VEGFC: variants seen among roughly 807,000 people sequenced by gnomAD.
VEGFC encodes the protein vascular endothelial growth factor C.
In VEGFC, 12 loss-of-function variants were observed where a neutral mutation model predicts 46.1. That is an observed-to-expected ratio of 0.26 (90% CI 0.17 to 0.42). The LOEUF (loss-of-function observed/expected upper bound fraction) is 0.42, where lower values mean the gene tolerates loss of function less well. Among genes scored for constraint, VEGFC ranks in the 10% least tolerant of loss-of-function variants. The probability of loss-of-function intolerance (pLI) is 1.00; values close to 1 mark genes in which losing one functional copy is unlikely to be tolerated. For synonymous variants in VEGFC, 232 were observed against 195.5 expected (o/e 1.19, Z -1.56); for missense variants, 488 against 529.4 (o/e 0.92, Z 0.77).
intron 1 of VEGFC, among the ~76,000 whole-genome samples, chr4:176,741,168 G>A (rs146306039): frequency 6.6e-6 from 1 of 151,914 alleles, no homozygotes; most frequent in Non-Finnish European, 1.5e-5. Context: ...AGATCGGAAA[G>A]TTATACAACA....
At chr4:176,731,059 T>C (rs777581604) in intron 1 of VEGFC, among the ~76,000 whole-genome samples, 25 of 152,242 alleles carry the variant, frequency 1.6e-4, no homozygotes, top group Non-Finnish European at 3.4e-4. Flanking sequence ...TGTAGGTCTA[T>C]GTTAGAAAAA....
intron 1 of VEGFC, among the ~76,000 whole-genome samples, chr4:176,771,763 A>G (rs1334272406): frequency 1.3e-5 from 2 of 152,172 alleles, no homozygotes; most frequent in African/African-American, 4.8e-5. Context: ...CAGGTGTTTT[A>G]TGGGAAGAGT....
At chr4:176,788,713 T>C (rs1175041980) in intron 1 of VEGFC, among the ~76,000 whole-genome samples, 3 of 152,196 alleles carry the variant, frequency 2.0e-5, no homozygotes, top group African/African-American at 7.2e-5. Flanking sequence ...CCTTGAAGTA[T>C]GGTTTCTACT....
intron 1 of VEGFC, among the ~76,000 whole-genome samples, chr4:176,789,453 A>G (rs919591334): frequency 4.6e-5 from 7 of 152,386 alleles, no homozygotes; most frequent in East Asian, 1.9e-4. Flanking sequence ...TGAACTTTCT[A>G]TATCTAAAAC....
intron 1 of VEGFC, among the ~76,000 whole-genome samples, chr4:176,773,402 T>A (rs867407081): frequency 6.6e-6 from 1 of 152,178 alleles, no homozygotes; most frequent in South Asian, 2.1e-4. Flanking sequence ...TTAGATTTTG[T>A]TACACACAAA....
chr4:176,713,939 C>T (rs940649282), intron 3 of VEGFC, among the ~76,000 whole-genome samples: 1 of 152,022 alleles, frequency 6.6e-6, no homozygotes, highest in African/African-American at 2.4e-5. Flanking sequence ...TAACCAGCAC[C>T]CGATGTGGTT....
chr4:176,781,183 G>A (rs1735909109), intron 1 of VEGFC, among the ~76,000 whole-genome samples: 1 of 152,128 alleles, frequency 6.6e-6, no homozygotes, highest in South Asian at 2.1e-4. Context: ...ATTTGGCATG[G>A]ACAGACACCA....
intron 1 of VEGFC, among the ~76,000 whole-genome samples, chr4:176,784,065 T>TTG (rs1553998066): frequency 2.3e-5 from 3 of 132,068 alleles, no homozygotes; most frequent in African/African-American, 9.4e-5. Flanking sequence ...CACATGCTGT[T>TTG]TTTTTTTTTT....
chr4:176,698,367 T>C (rs1187493885), intron 4 of VEGFC, among the ~76,000 whole-genome samples: 1 of 151,938 alleles, frequency 6.6e-6, no homozygotes, highest in Non-Finnish European at 1.5e-5. Flanking sequence ...AATGTTATTC[T>C]TTTTCAAAGA....
intron 1 of VEGFC, among the ~76,000 whole-genome samples, chr4:176,746,242 AT>A (rs1277968797): frequency 6.6e-6 from 1 of 152,046 alleles, no homozygotes; most frequent in Non-Finnish European, 1.5e-5. Flanking sequence ...TATATATATG[AT>A]TGGTCCAGGT....
chr4:176,731,972 T>C (rs558228791), intron 1 of VEGFC, among the ~76,000 whole-genome samples: 18 of 151,586 alleles, frequency 1.2e-4, no homozygotes, highest in African/African-American at 4.1e-4. Flanking sequence ...ATAGAGAAAA[T>C]GCAATATTAA....
intron 1 of VEGFC, among the ~76,000 whole-genome samples, chr4:176,761,807 T>C (rs931429471): frequency 6.6e-6 from 1 of 152,112 alleles, no homozygotes; most frequent in African/African-American, 2.4e-5. Flanking sequence ...TTCAGGCAGA[T>C]GGAAGGGATC....
Position 176,792,536 on chromosome 4 carries a change from G to T in VEGFC, c.-225C>A, listed in dbSNP as rs1264085921. ...TGCCGGGGAAAGGCGGCGGGTGTCA[G>T]GTAAAAGCCTCACAGGAAACCGGAC... On this transcript the variant is annotated 5_prime_UTR_variant, in exon 1 of 7. In the 5' UTR this introduces an upstream ATG that the reference lacks. Transcript: ENST00000618562. This position sits in a 1 kb window ranked among gnomAD's most constrained non-coding sequence, Gnocchi z 6.3. 5.1e-6 allele frequency: 2 copies of T among 395,768 alleles called. No individual in the cohort carries two copies. Among genetic ancestry groups the T allele is most frequent in the Non-Finnish European group, 8.9e-6 (2 of 225,250 alleles). The allele number at this position is 395,768 out of a possible 1,614,324, so 24.5% of individuals were successfully genotyped here.
At chr4:176,703,197 G>A (rs1307850536) in intron 4 of VEGFC, among the ~76,000 whole-genome samples, 2 of 151,904 alleles carry the variant, frequency 1.3e-5, no homozygotes, top group African/African-American at 4.8e-5. Context: ...TTTTTGTTTT[G>A]TTTTTGTTTT....
chr4:176,731,268 C>T (rs1386559388), intron 1 of VEGFC, among the ~76,000 whole-genome samples: 1 of 151,880 alleles, frequency 6.6e-6, no homozygotes, highest in Non-Finnish European at 1.5e-5. Flanking sequence ...ACTTATGACA[C>T]AACATTCAAA....
At chr4:176,789,360 T>C in intron 1 of VEGFC, among the ~76,000 whole-genome samples, 1 of 152,252 alleles carries the variant, frequency 6.6e-6, no homozygotes, top group East Asian at 1.9e-4. Context: ...TTTTGATAAC[T>C]GTCTTGTGAA....
Position 176,774,686 on chromosome 4 carries a change from T to C in VEGFC, c.147+17479A>G, listed in dbSNP as rs1735784565. On this transcript the variant is annotated intron_variant, in intron 1 of 6. Transcript: ENST00000618562. ...ATACACTTCATGGTCCAGACTGTCT[T>C]GAAGATATATTACACATTAGAACAT... Among the ~76,000 whole-genome samples, 3 of 152,166 alleles carry C rather than the reference T, an allele frequency of 2.0e-5. No homozygotes were observed. The East Asian group carries it at 5.8e-4, about 29-fold the overall frequency.
At chr4:176,788,841 A>G (rs1377986484) in intron 1 of VEGFC, among the ~76,000 whole-genome samples, 5 of 152,194 alleles carry the variant, frequency 3.3e-5, no homozygotes, top group Non-Finnish European at 5.9e-5. Flanking sequence ...AAGGAAAAAA[A>G]CATCTATTCT....
At chr4:176,755,420 G>GT (rs924273751) in intron 1 of VEGFC, among the ~76,000 whole-genome samples, 88 of 152,096 alleles carry the variant, frequency 5.8e-4, no homozygotes, top group African/African-American at 2.1e-3. Flanking sequence ...TCTGAGTTGT[G>GT]TGTTCTACAC....
Sources: gnomAD v4.1 joint callset for allele counts (sites outside exome capture counted in the v4.1 genomes callset) on GRCh38, gnomAD v4.1.1 for gene constraint, Gnocchi (gnomAD v3.1) non-coding constraint, MANE v1.5 for transcripts, NCBI Gene and HGNC (gene_info 2026-07-23, HGNC 2026-07-21) for gene names.